Variants in TSPAN18 observed in about 807,000 individuals in gnomAD.
TSPAN18 encodes the protein tetraspanin 18, also known as tetraspanin-18.
Under a neutral mutation model 27.3 loss-of-function variants are expected in TSPAN18, and 14 were observed. The ratio of observed to expected loss-of-function variants is 0.51; its 90% CI spans 0.34 to 0.80. The LOEUF (loss-of-function observed/expected upper bound fraction) is 0.80. TSPAN18 is among the 30% of genes least tolerant of loss of function. The pLI is 0.01. For synonymous variants in TSPAN18, 143 were observed against 136.5 expected (o/e 1.05, Z -0.33); for missense variants, 268 against 323.9 (o/e 0.83, Z 1.32).
intron 2 of TSPAN18, among the ~76,000 whole-genome samples, chr11:44,796,996 C>T (rs1856365501): frequency 6.6e-6 from 1 of 152,160 alleles, no homozygotes; most frequent in African/African-American, 2.4e-5. Flanking sequence ...GAGTAGCATC[C>T]TCACCCAACT....
chr11:44,812,227 G>A (rs1385900931), intron 2 of TSPAN18, among the ~76,000 whole-genome samples: 4 of 152,208 alleles, frequency 2.6e-5, no homozygotes, highest in Non-Finnish European at 5.9e-5. Context: ...CTTCCTGGCT[G>A]TGTGACCTGG....
chr11:44,814,491 G>A (rs1856781322), intron 2 of TSPAN18, among the ~76,000 whole-genome samples: 1 of 152,296 alleles, frequency 6.6e-6, no homozygotes, highest in African/African-American at 2.4e-5. Flanking sequence ...ACTAGTCCCA[G>A]TGCCTCATTT....
intron 2 of TSPAN18, among the ~76,000 whole-genome samples, chr11:44,837,548 A>T (rs982484282): frequency 2.0e-5 from 3 of 152,196 alleles, no homozygotes; most frequent in Non-Finnish European, 4.4e-5. Context: ...CAAAGGATGG[A>T]CTCCAATTTT....
chr11:44,783,227 G>A (rs888127887), intron 2 of TSPAN18, among the ~76,000 whole-genome samples: 1 of 152,102 alleles, frequency 6.6e-6, no homozygotes, highest in Non-Finnish European at 1.5e-5. Flanking sequence ...CCTTGAGGCA[G>A]GCAAAGATTT....
At chr11:44,827,412 C>T (rs532525064) in intron 2 of TSPAN18, among the ~76,000 whole-genome samples, 16 of 152,320 alleles carry the variant, frequency 1.1e-4, no homozygotes, top group Admixed American at 3.3e-4. Flanking sequence ...ACAGGTGTGC[C>T]CTACCCAAGC....
intron 2 of TSPAN18, among the ~76,000 whole-genome samples, chr11:44,790,085 C>T (rs896962446): frequency 7.9e-5 from 12 of 152,178 alleles, no homozygotes; most frequent in South Asian, 2.1e-4. Context: ...CCTGGTGGGT[C>T]GGGGCAGCAG....
chr11:44,784,631 C>T, intron 2 of TSPAN18, among the ~76,000 whole-genome samples: 1 of 152,206 alleles, frequency 6.6e-6, no homozygotes, highest in East Asian at 1.9e-4. Flanking sequence ...ACAGAAGACT[C>T]TGTGAAGGAA....
intron 2 of TSPAN18, among the ~76,000 whole-genome samples, chr11:44,791,628 C>T (rs1188948495): frequency 6.6e-6 from 1 of 152,192 alleles, no homozygotes; most frequent in Non-Finnish European, 1.5e-5. Context: ...TCCTCCTGGT[C>T]CCCCCTGTGT....
intron 1 of TSPAN18, among the ~76,000 whole-genome samples, chr11:44,763,050 C>A (rs376610197): frequency 2.6e-5 from 4 of 152,174 alleles, no homozygotes; most frequent in South Asian, 2.1e-4. Flanking sequence ...AGTGGTGTAA[C>A]CTTGGGCAAG....
At position 44,749,362 on chromosome 11, in the gene TSPAN18, G is replaced by C. The variant is rs950004975; in HGVS notation, c.-239-15064G>C. On this transcript the variant is annotated intron_variant, in intron 1 of 9. Transcript: ENST00000520358. ...ACAATGTGAGTGCTTCCATATGTCAGCTCTTTTTGTGGTTTTCTGATTTGC... is the reference window on the plus strand; with the variant it reads ...ACAATGTGAGTGCTTCCATATGTCACCTCTTTTTGTGGTTTTCTGATTTGC... 2.0e-5 allele frequency among the ~76,000 whole-genome samples: 3 copies of C among 152,212 alleles called. No individual in the cohort carries two copies. The East Asian group carries it at 5.8e-4, about 29-fold the overall frequency.
chr11:44,764,135 C>T (rs908800246), intron 1 of TSPAN18, among the ~76,000 whole-genome samples: 2 of 152,148 alleles, frequency 1.3e-5, no homozygotes, highest in African/African-American at 4.8e-5. Flanking sequence ...ACTGAGGGGA[C>T]AGTGCTAACC....
intron 2 of TSPAN18, among the ~76,000 whole-genome samples, chr11:44,788,165 G>T (rs763286194): frequency 2.0e-5 from 3 of 152,208 alleles, no homozygotes; most frequent in Non-Finnish European, 4.4e-5. Context: ...GAGGGCCAGG[G>T]ACTCAGGGAG....
At chr11:44,918,126 C>A in intron 6 of TSPAN18, 80 bp downstream of exon 6, 1 of 1,414,486 alleles carries the variant, frequency 7.1e-7, no homozygotes, top group Non-Finnish European at 9.9e-7. Flanking sequence ...CTCCTCCCCT[C>A]CTTGAAGGGT....
At chr11:44,867,389 C>G (rs1426101359) in intron 3 of TSPAN18, among the ~76,000 whole-genome samples, 1 of 60,410 alleles carries the variant, frequency 1.7e-5, no homozygotes, top group South Asian at 8.5e-4. Context: ...GTTTATGAAT[C>G]TTTTTTTTTT....
At chr11:44,872,295 A>C (rs777429999) in intron 3 of TSPAN18, among the ~76,000 whole-genome samples, 2 of 152,168 alleles carry the variant, frequency 1.3e-5, no homozygotes, top group Non-Finnish European at 2.9e-5. Context: ...GATCTGACTG[A>C]ACTTCAGTTG....
At chr11:44,748,296 G>C (rs774861638) in intron 1 of TSPAN18, among the ~76,000 whole-genome samples, 1 of 151,476 alleles carries the variant, frequency 6.6e-6, no homozygotes, top group Non-Finnish European at 1.5e-5. Context: ...TACTTGGGAG[G>C]CTGAGGCACA....
Position 44,926,654 on chromosome 11 carries a change from C to G in TSPAN18, c.616-20C>G, listed in dbSNP as rs368406000. On this transcript the variant is annotated intron_variant, in intron 8 of 9. Coordinates refer to ENST00000520358, the MANE Select transcript of TSPAN18 (RefSeq NM_130783.5). ...CTCTCAACCCTGGCCATAGCTTGAC[C>G]TCTCATCCCTCCCTCCCAGGGCTGT... 5 of 1,612,768 alleles carry G rather than the reference C, an allele frequency of 3.1e-6. No individual in the cohort carries two copies. The highest frequency in any genetic ancestry group is 4.2e-6 in the Non-Finnish European group (5 of 1,178,786).
intron 2 of TSPAN18, among the ~76,000 whole-genome samples, chr11:44,780,276 G>C (rs7102386): frequency 0.52 from 79,730 of 152,094 alleles, 21,521 homozygotes; most frequent in East Asian, 0.95. Context: ...TTTCTCTGCT[G>C]TGGGCCTGCA....
intron 3 of TSPAN18, among the ~76,000 whole-genome samples, chr11:44,885,227 G>A (rs968827258): frequency 7.2e-5 from 11 of 152,228 alleles, no homozygotes; most frequent in African/African-American, 2.2e-4. Flanking sequence ...GCCCTTCTCC[G>A]GTATTTATTA....
Sources: allele counts gnomAD v4.1 joint callset (sites outside exome capture counted in the v4.1 genomes callset), GRCh38; gene constraint gnomAD v4.1.1; transcripts MANE v1.5; gene names NCBI Gene and HGNC (gene_info 2026-07-23, HGNC 2026-07-21).